The following SECISBP2 variants were observed in gnomAD, a reference collection of about 807,000 sequenced individuals.
The protein encoded by SECISBP2 is SECIS binding protein 2, also known as selenocysteine insertion sequence-binding protein 2.
A neutral mutation model predicts 98.2 loss-of-function variants in SECISBP2; 96 were observed. That is an observed-to-expected ratio of 0.98 (90% CI 0.83 to 1.16). SECISBP2 has a LOEUF of 1.16. Among genes scored for constraint, SECISBP2 ranks in the 50% most tolerant of loss-of-function variants. The pLI, the probability that SECISBP2 is intolerant of heterozygous loss-of-function variation, is 0.00. For missense variants in SECISBP2, 1,046 were observed against 1,022.9 expected (o/e 1.02, Z -0.31); for synonymous variants, 407 against 370.2 (o/e 1.10, Z -1.14).
At chr9:89,359,955 T>C (rs541513964), downstream of SECISBP2, among the ~76,000 whole-genome samples, 1 of 152,346 alleles carries the variant, frequency 6.6e-6, no homozygotes, top group East Asian at 1.9e-4. Flanking sequence ...GTGCTCTTAA[T>C]TGAATTCAGT....
At position 89,336,081 on chromosome 9, in the gene SECISBP2, C is replaced by CTT. The variant is rs59799418; in HGVS notation, c.1089+1377_1089+1378dup. Among the ~76,000 whole-genome samples the CTT allele has an allele frequency of 2.5e-3, 83 of 33,052 alleles. 16 individuals are homozygous for CTT. The highest frequency in any genetic ancestry group is 8.5e-3 in the African/African-American group (71 of 8,360). 21.7% of individuals were successfully genotyped at this position (33,052 alleles called of 152,430 possible). On this transcript the variant is annotated intron_variant, in intron 7 of 16. Coordinates refer to ENST00000375807, the MANE Select transcript of SECISBP2 (RefSeq NM_024077.5). ...TTTTTCCCTTAAGTAATTTTAAGTG[C>CTT]TTTTTTTTTTTTTTTTTTTTTTTTT...
downstream of SECISBP2, chr9:89,363,341 A>G: frequency 6.4e-7 from 1 of 1,570,744 alleles, no homozygotes; most frequent in Non-Finnish European, 8.6e-7. Flanking sequence ...GTCCATGCTG[A>G]ATGGGGCCCT....
At chr9:89,318,942 G>C in intron 1 of SECISBP2, 1 of 1,180,392 alleles carries the variant, frequency 8.5e-7, no homozygotes. Flanking sequence ...GGAACGGATA[G>C]ATTGTTTTAA....
chr9:89,363,275 C>CCA (rs375747695), downstream of SECISBP2, among the ~76,000 whole-genome samples: 2 of 152,164 alleles, frequency 1.3e-5, no homozygotes, highest in African/African-American at 2.4e-5. Context: ...TTTCCCCCCC[C>CCA]AGTGTTGCAG....
rs59799418 is a variant in SECISBP2, at chr9:89,336,081, C to CTTTTTTTTTTTTTTTTTTTTTTTT, written c.1089+1355_1089+1378dup. Among the ~76,000 whole-genome samples, 10 of 33,058 alleles carry CTTTTTTTTTTTTTTTTTTTTTTTT rather than the reference C, an allele frequency of 3.0e-4. 1 individual carries two copies. Among genetic ancestry groups the CTTTTTTTTTTTTTTTTTTTTTTTT allele is most frequent in the East Asian group, 1.5e-3 (2 of 1,354 alleles). The allele number at this position is 33,058 out of a possible 152,430, so 21.7% of individuals were successfully genotyped here. A position where few individuals can be genotyped will look rare whatever the true frequency, so the allele number is the denominator to read the frequency against. On this transcript the variant is annotated intron_variant, in intron 7 of 16. Transcript: ENST00000375807. ...TTTTTCCCTTAAGTAATTTTAAGTG[C>CTTTTTTTTTTTTTTTTTTTTTTTT]TTTTTTTTTTTTTTTTTTTTTTTTT...
In SECISBP2 at chr9:89,355,233, AGTT is replaced by A. The variant is rs750410924; in HGVS notation, c.2114-2171_2114-2169del. ...AGGTGATACTATGCTAATTGTAAACAGTTGTTGTTTTTTACAGTTGCTCCGTAA... is the reference window on the plus strand; with the variant it reads ...AGGTGATACTATGCTAATTGTAAACAGTTGTTTTTTACAGTTGCTCCGTAA... On this transcript the variant is annotated intron_variant, in intron 14 of 16. Transcript: ENST00000375807. The A allele has an allele frequency of 1.9e-5, 19 of 985,336 alleles. No individual in the cohort carries two copies. In the East Asian group the frequency reaches 6.8e-4, roughly 35 times the overall value. 61.0% of individuals were successfully genotyped at this position (985,336 alleles called of 1,614,324 possible).
chr9:89,327,353 A>C (rs1826910187), intron 4 of SECISBP2, among the ~76,000 whole-genome samples: 1 of 152,176 alleles, frequency 6.6e-6, no homozygotes, highest in African/African-American at 2.4e-5. Context: ...TGAAATTTAT[A>C]AAAGTATTTT....
intron 11 of SECISBP2, among the ~76,000 whole-genome samples, chr9:89,347,441 A>G (rs1216957416): frequency 6.7e-6 from 1 of 149,916 alleles, no homozygotes; most frequent in African/African-American, 2.5e-5. Context: ...CCAGAAGGAC[A>G]GTCACAGGCT....
intron 7 of SECISBP2, among the ~76,000 whole-genome samples, chr9:89,336,202 G>A (rs547766181): frequency 1.4e-5 from 2 of 140,272 alleles, no homozygotes; most frequent in African/African-American, 5.3e-5. Flanking sequence ...CATCCAACTA[G>A]TATTTGTATT....
chr9:89,361,667 C>G (rs1387808018), downstream of SECISBP2: 1 of 152,210 alleles, frequency 6.6e-6, no homozygotes, highest in Non-Finnish European at 1.5e-5. Flanking sequence ...CTTTCTGCAT[C>G]AAGTTTGGTG....
chr9:89,319,919 A>C (rs1825422045), intron 2 of SECISBP2, 122 bp downstream of exon 2: 2 of 1,053,042 alleles, frequency 1.9e-6, no homozygotes, highest in Non-Finnish European at 2.9e-6. Context: ...AATGCTCTTC[A>C]ACCAAGAAGA....
chr9:89,348,518 C>T (rs1830774750), intron 12 of SECISBP2, among the ~76,000 whole-genome samples: 5 of 152,192 alleles, frequency 3.3e-5, no homozygotes, highest in Admixed American at 2.0e-4. Flanking sequence ...GAATTAACAC[C>T]GCTAGCTGCA....
At chr9:89,321,300 A>G (rs912174201) in intron 2 of SECISBP2, among the ~76,000 whole-genome samples, 2 of 152,262 alleles carry the variant, frequency 1.3e-5, no homozygotes, top group African/African-American at 4.8e-5. Context: ...TCACATGGCT[A>G]AAGGAACATT....
At chr9:89,353,691 A>G (rs1279879503) in intron 14 of SECISBP2, among the ~76,000 whole-genome samples, 1 of 152,150 alleles carries the variant, frequency 6.6e-6, no homozygotes, top group African/African-American at 2.4e-5. Flanking sequence ...TGTCTCTCAC[A>G]TTCTTCCGTG....
chr9:89,322,288 T>A (rs1003879013), intron 2 of SECISBP2: 5 of 152,286 alleles, frequency 3.3e-5, no homozygotes, highest in Admixed American at 1.3e-4. Context: ...ACTGATGTAA[T>A]GAACAAATTT....
intron 14 of SECISBP2, among the ~76,000 whole-genome samples, chr9:89,354,505 G>T (rs936075481): frequency 6.6e-6 from 1 of 152,180 alleles, no homozygotes; most frequent in Non-Finnish European, 1.5e-5. Flanking sequence ...GAGACTCAGC[G>T]CCTAGGGTTC....
Position 89,350,591 on chromosome 9 carries a change from C to A in SECISBP2, c.1893-41C>A, listed in dbSNP as rs758946682. ...GGATGGGAGCAGTGCTGCAGTGTCA[C>A]AGCCAGTGGCACAATTCCTGATGTC... On this transcript the variant is annotated intron_variant, in intron 13 of 16. Transcript: ENST00000375807. The A allele has an allele frequency of 3.2e-6, 5 of 1,570,552 alleles. No homozygotes were observed. In the South Asian group the frequency reaches 5.5e-5, roughly 17 times the overall value.
At chr9:89,319,507 G>T in intron 1 of SECISBP2, 145 bp from the exon 2 acceptor site, 1 of 894,214 alleles carries the variant, frequency 1.1e-6, no homozygotes. Flanking sequence ...TTAGCAAGCA[G>T]GTTCTTGTCT....
At chr9:89,355,400 T>G (rs879396894) in intron 14 of SECISBP2, 3 of 984,566 alleles carry the variant, frequency 3.0e-6, no homozygotes, top group Non-Finnish European at 3.6e-6. Context: ...TCTCCAGGAG[T>G]TTTTATTAGC....
Sources: allele counts gnomAD v4.1 joint callset (sites outside exome capture counted in the v4.1 genomes callset), GRCh38; gene constraint gnomAD v4.1.1; transcripts MANE v1.5; gene names NCBI Gene and HGNC (gene_info 2026-07-23, HGNC 2026-07-21).